The following ALK variants were observed in gnomAD, a reference collection of about 807,000 sequenced individuals.
The protein encoded by ALK is ALK receptor tyrosine kinase.
Under a neutral mutation model 163.1 loss-of-function variants are expected in ALK, and 74 were observed. That is an observed-to-expected ratio of 0.45 (90% CI 0.38 to 0.55). ALK has a LOEUF of 0.55. Among genes scored for constraint, ALK ranks in the 20% least tolerant of loss-of-function variants. The probability of loss-of-function intolerance (pLI) is 0.00; values close to 1 mark genes in which losing one functional copy is unlikely to be tolerated. For synonymous variants in ALK, 960 were observed against 843.2 expected (o/e 1.14, Z -2.40); for missense variants, 2,063 against 2,105.3 (o/e 0.98, Z 0.39).
chr2:29,822,844 G>C (rs1350177011), intron 1 of ALK, among the ~76,000 whole-genome samples: 1 of 152,226 alleles, frequency 6.6e-6, no homozygotes, highest in Non-Finnish European at 1.5e-5. Flanking sequence ...CACCTATCAA[G>C]TGAGGCTGTT....
At chr2:29,564,307 A>G (rs951943378) in intron 3 of ALK, among the ~76,000 whole-genome samples, 3 of 152,152 alleles carry the variant, frequency 2.0e-5, no homozygotes, top group Admixed American at 6.5e-5. Flanking sequence ...CTTCTTACCC[A>G]ACTATCCTAA....
intron 4 of ALK, among the ~76,000 whole-genome samples, chr2:29,385,119 A>T (rs1489698701): frequency 1.6e-4 from 24 of 147,074 alleles, no homozygotes; most frequent in South Asian, 1.3e-3. Flanking sequence ...AATATTTCAC[A>T]TTTTTTTTTT....
At chr2:29,853,483 C>G (rs938388864) in intron 1 of ALK, among the ~76,000 whole-genome samples, 2 of 152,168 alleles carry the variant, frequency 1.3e-5, no homozygotes, top group African/African-American at 4.8e-5. Flanking sequence ...CCAGGCCCCC[C>G]ACACCTTGCT....
intron 3 of ALK, among the ~76,000 whole-genome samples, chr2:29,655,790 G>T (rs150799444): frequency 1.0e-3 from 153 of 152,280 alleles, no homozygotes; most frequent in African/African-American, 3.6e-3. Flanking sequence ...AAAGTATAAA[G>T]ATGTGTTTCT....
At chr2:29,732,900 GTTT>G (rs70962236) in intron 1 of ALK, among the ~76,000 whole-genome samples, 159 of 146,636 alleles carry the variant, frequency 1.1e-3, no homozygotes, top group East Asian at 7.5e-3. Context: ...TAGTCTATAG[GTTT>G]TTTTTTTTTT....
rs138594950 is a variant in ALK at position 29,865,227 on chromosome 2, A to C, written c.667+54766T>G. Among the ~76,000 whole-genome samples the C allele has an allele frequency of 4.2e-3, 636 of 152,252 alleles. 9 individuals are homozygous for C. The highest frequency in any genetic ancestry group is 0.014 in the African/African-American group (602 of 41,538). On this transcript the variant is annotated intron_variant, in intron 1 of 28. Transcript: ENST00000389048. ...TTGTGCAACTTCCCCACTTTTCACA[A>C]AAGAAATGTGTTTAGGATTTTTATC...
chr2:29,224,640 C>T (rs1271887227), intron 19 of ALK: 2 of 225,810 alleles, frequency 8.9e-6, no homozygotes, highest in African/African-American at 4.5e-5. Context: ...CAGTTCCCTC[C>T]TCTATGCAAT....
chr2:29,870,553 C>A (rs762533471), intron 1 of ALK, among the ~76,000 whole-genome samples: 1 of 152,008 alleles, frequency 6.6e-6, no homozygotes, highest in Non-Finnish European at 1.5e-5. Context: ...ACCATATCAA[C>A]CACCATTAAA....
At chr2:29,327,774 A>C (rs1169511347) in intron 6 of ALK, among the ~76,000 whole-genome samples, 1 of 151,870 alleles carries the variant, frequency 6.6e-6, no homozygotes, top group African/African-American at 2.4e-5. Flanking sequence ...GATCCACTGG[A>C]TTGTGGGGGA....
At position 29,422,296 on chromosome 2, in the gene ALK, T is replaced by G. The variant is rs192247164; in HGVS notation, c.1155-38437A>C. On this transcript the variant is annotated intron_variant, in intron 4 of 28. Transcript: ENST00000389048. ...GGAGGGTTTCTTGGGTCTCCTGACTTTCTTACTAATAGAAAACACAGTCTC... is the reference window on the plus strand; with the variant it reads ...GGAGGGTTTCTTGGGTCTCCTGACTGTCTTACTAATAGAAAACACAGTCTC... Among the ~76,000 whole-genome samples the G allele has an allele frequency of 8.4e-4, 127 of 151,508 alleles. 8 individuals are homozygous for G. Among genetic ancestry groups the G allele is most frequent in the African/African-American group, 3.1e-3 (127 of 40,800 alleles).
chr2:29,882,421 C>G (rs1213923255), intron 1 of ALK, among the ~76,000 whole-genome samples: 1 of 152,138 alleles, frequency 6.6e-6, no homozygotes, highest in Non-Finnish European at 1.5e-5. Context: ...CCAGGCTGGG[C>G]GCAGTGGCTC....
At chr2:29,618,936 G>A (rs967679891) in intron 3 of ALK, among the ~76,000 whole-genome samples, 32 of 151,840 alleles carry the variant, frequency 2.1e-4, no homozygotes, top group African/African-American at 7.0e-4. Flanking sequence ...CTGAGATTGC[G>A]CCACTGCACT....
chr2:29,841,110 G>A (rs1257524852), intron 1 of ALK, among the ~76,000 whole-genome samples: 2 of 151,962 alleles, frequency 1.3e-5, no homozygotes, highest in Non-Finnish European at 2.9e-5. Context: ...TTCTGAATGT[G>A]GTTTCTATCA....
At chr2:29,813,238 C>T (rs140708141) in intron 1 of ALK, among the ~76,000 whole-genome samples, 7 of 152,264 alleles carry the variant, frequency 4.6e-5, no homozygotes, top group East Asian at 3.9e-4. Context: ...CTAGAGGTTC[C>T]GCACTGTGCC....
At chr2:29,863,959 C>T (rs560903057) in intron 1 of ALK, among the ~76,000 whole-genome samples, 4 of 152,296 alleles carry the variant, frequency 2.6e-5, no homozygotes, top group South Asian at 2.1e-4. Context: ...AACAGCCTGT[C>T]GTGCATCTAA....
intron 3 of ALK, among the ~76,000 whole-genome samples, chr2:29,625,321 A>G (rs553340478): frequency 4.6e-5 from 7 of 152,228 alleles, no homozygotes; most frequent in Non-Finnish European, 8.8e-5. Context: ...TTCAAGACCC[A>G]TAAGTAGAAG....
intron 4 of ALK, among the ~76,000 whole-genome samples, chr2:29,452,765 A>T (rs1052497517): frequency 1.3e-5 from 2 of 152,188 alleles, no homozygotes; most frequent in African/African-American, 4.8e-5. Context: ...AGACATTTTG[A>T]CATGAGATGC....
At chr2:29,196,889 A>G (rs1451636042) in intron 27 of ALK, 29 bp from the exon 28 acceptor site, 2 of 1,531,978 alleles carry the variant, frequency 1.3e-6, no homozygotes, top group African/African-American at 2.7e-5. Flanking sequence ...TAATTAAAAT[A>G]AGGAGAAGCA....
intron 1 of ALK, among the ~76,000 whole-genome samples, chr2:29,735,869 A>G (rs1488091709): frequency 1.3e-5 from 2 of 152,116 alleles, no homozygotes; most frequent in African/African-American, 4.8e-5. Context: ...TGAGTCAATT[A>G]AAACTCTTTC....
Sources: allele counts gnomAD v4.1 joint callset (sites outside exome capture counted in the v4.1 genomes callset), GRCh38; gene constraint gnomAD v4.1.1; transcripts MANE v1.5; gene names NCBI Gene and HGNC (gene_info 2026-07-23, HGNC 2026-07-21).